The following CARS2 variants were observed in gnomAD, a reference collection of about 807,000 sequenced individuals.
CARS2 encodes the protein cysteinyl-tRNA synthetase 2, mitochondrial, also known as probable cysteine--tRNA ligase, mitochondrial.
In CARS2, 52 loss-of-function variants were observed where a neutral mutation model predicts 68.8. That is an observed-to-expected ratio of 0.76 (90% confidence interval 0.61 to 0.95). The LOEUF is 0.95. CARS2 is among the 40% of genes least tolerant of loss of function. The pLI is 0.00. For synonymous variants in CARS2, 314 were observed against 303.6 expected, an observed-to-expected ratio of 1.03 and a Z score of -0.36; for missense variants, 780 against 754.2, an observed-to-expected ratio of 1.03 and a Z score of -0.40.
chr13:110,713,513 T>C, exon 1 of CARS2: 2 of 986,426 alleles, frequency 2.0e-6, no homozygotes, highest in Non-Finnish European at 2.4e-6. Flanking sequence ...CCCTCGCCTC[T>C]GGAAAAAGTG....
In CARS2 at chr13:110,668,240, C is replaced by T. The variant is rs921009186; in HGVS notation, c.786-767G>A. On this transcript the variant is annotated intron_variant, in intron 7 of 14. Coordinates refer to ENST00000257347, the MANE Select transcript of CARS2 (RefSeq NM_024537.4). This position sits in a 1 kb window ranked among gnomAD's most constrained non-coding sequence, Gnocchi z 4.1. ...CACAGAAACACACGCTGTAGTGTGA[C>T]GTTCTAAGACTTTTACATCTTAGCC... Among the ~76,000 whole-genome samples, 3 of 152,174 alleles carry T rather than the reference C, an allele frequency of 2.0e-5. No homozygotes were observed. The highest frequency in any genetic ancestry group is 6.5e-5 in the Admixed American group (1 of 15,278).
chr13:110,651,354 AC>A, intron 9 of CARS2: 1 of 480,986 alleles, frequency 2.1e-6, no homozygotes. Flanking sequence ...GAAAATCCGC[AC>A]CTGCGCAGGC....
chr13:110,662,750 C>A, intron 9 of CARS2: 1 of 177,144 alleles, frequency 5.6e-6, no homozygotes, highest in Non-Finnish European at 1.2e-5. Context: ...AAACTATATA[C>A]AAATTATTTT....
chr13:110,676,930 G>A lies in CARS2; in HGVS notation c.785+44C>T. 2 of 1,492,542 alleles carry A rather than the reference G, an allele frequency of 1.3e-6. No individual in the cohort carries two copies. The highest frequency in any genetic ancestry group is 2.1e-5 in the Admixed American group (1 of 46,596). 92.5% of individuals were successfully genotyped at this position (1,492,542 alleles called of 1,614,324 possible). On this transcript the variant is annotated intron_variant, in intron 7 of 14. Transcript: ENST00000257347. The surrounding 1 kb of genome is among the most constrained non-coding windows in gnomAD (Gnocchi z 4.0). ...CCTCTGCTGCCCTGAGCAGGCACCA[G>A]GGGAACTTGAGCCCCAACCCCCAGG...
upstream of CARS2, chr13:110,706,253 C>T (rs1452273690): frequency 6.9e-6 from 3 of 436,590 alleles, no homozygotes; most frequent in Non-Finnish European, 1.1e-5. Context: ...TTTGGCCTGG[C>T]TCGAGTCGCC....
chr13:110,654,929 AAAAAAAGAAAAAG>A (rs1468265260), intron 9 of CARS2, among the ~76,000 whole-genome samples: 10 of 141,066 alleles, frequency 7.1e-5, no homozygotes, highest in African/African-American at 2.6e-4. Flanking sequence ...CTCAAAAAAA[AAAAAAAGAAAAAG>A]AAAAAAAAAG....
At chr13:110,712,845 C>A in intron 1 of CARS2, 1 of 1,093,642 alleles carries the variant, frequency 9.1e-7, no homozygotes. Context: ...AGCAGCTTCC[C>A]TCTCAGGCCC....
At chr13:110,664,720 C>T in intron 8 of CARS2, 6 of 860,846 alleles carry the variant, frequency 7.0e-6, no homozygotes, top group Non-Finnish European at 8.4e-6. Flanking sequence ...TGTCAAAATC[C>T]TCAGCCCTCA....
chr13:110,673,169 T>G (rs9583524), intron 7 of CARS2, among the ~76,000 whole-genome samples: 10 of 151,610 alleles, frequency 6.6e-5, no homozygotes, highest in African/African-American at 1.9e-4. Flanking sequence ...CCTTCTGAAA[T>G]TATTACAATC....
chr13:110,709,750 A>C (rs187043870), upstream of CARS2, among the ~76,000 whole-genome samples: 1,759 of 152,040 alleles, frequency 0.012, 25 homozygotes, highest in Middle Eastern at 0.031. Context: ...ATATATCTAT[A>C]TCTCCATCCT....
At chr13:110,682,045 T>A (rs2063171970) in intron 6 of CARS2, among the ~76,000 whole-genome samples, 1 of 151,478 alleles carries the variant, frequency 6.6e-6, no homozygotes, top group South Asian at 2.1e-4. Flanking sequence ...GTGCCGAGAG[T>A]GAACCCTGAT....
intron 1 of CARS2, among the ~76,000 whole-genome samples, chr13:110,711,685 G>A (rs1340875450): frequency 6.6e-6 from 1 of 152,250 alleles, no homozygotes; most frequent in Non-Finnish European, 1.5e-5. Flanking sequence ...TAGGTGAGAT[G>A]AAGGGGCTTA....
At chr13:110,693,046 G>T (rs916107391) in intron 3 of CARS2, among the ~76,000 whole-genome samples, 2 of 146,434 alleles carry the variant, frequency 1.4e-5, no homozygotes, top group East Asian at 2.1e-4. Context: ...GGAGGCGGAG[G>T]TTGCAGTGGG....
At chr13:110,712,614 G>C in intron 1 of CARS2, 2 of 465,504 alleles carry the variant, frequency 4.3e-6, no homozygotes, top group Non-Finnish European at 4.0e-6. Flanking sequence ...CAAAATCCGG[G>C]AGCTTTGGGA....
chr13:110,682,848 G>A (rs1010229689), intron 6 of CARS2, among the ~76,000 whole-genome samples: 4 of 152,196 alleles, frequency 2.6e-5, no homozygotes, highest in Non-Finnish European at 4.4e-5. Flanking sequence ...GGGGGTGGAC[G>A]ATGCCCCACT....
chr13:110,710,366 G>A (rs1188352944), upstream of CARS2, among the ~76,000 whole-genome samples: 2 of 152,176 alleles, frequency 1.3e-5, no homozygotes, highest in Admixed American at 6.5e-5. Flanking sequence ...TGGGTGACAA[G>A]AGCAAGACTC....
chr13:110,642,616 C>T (rs753863282), intron 13 of CARS2, 95 bp from the exon 14 acceptor site: 5 of 1,220,092 alleles, frequency 4.1e-6, no homozygotes, highest in South Asian at 1.2e-5. Context: ...CGACACCCAC[C>T]CAGCCCTGGG....
chr13:110,681,590 C>T (rs2063157882), intron 6 of CARS2, among the ~76,000 whole-genome samples: 1 of 152,164 alleles, frequency 6.6e-6, no homozygotes, highest in South Asian at 2.1e-4. Context: ...CATTGTGCTC[C>T]TTGGTATCTG....
chr13:110,667,574 T>TTA, intron 7 of CARS2, 101 bp from the exon 8 acceptor site: 1 of 1,037,330 alleles, frequency 9.6e-7, no homozygotes, highest in Non-Finnish European at 1.4e-6. Context: ...ATTCAATGAA[T>TTA]AAATGGATCT....
Sources: gnomAD v4.1 joint callset for allele counts (sites outside exome capture counted in the v4.1 genomes callset) on GRCh38, gnomAD v4.1.1 for gene constraint, Gnocchi (gnomAD v3.1) non-coding constraint, MANE v1.5 for transcripts, NCBI Gene and HGNC (gene_info 2026-07-23, HGNC 2026-07-21) for gene names.